PFKFB2: variants seen among roughly 807,000 people sequenced by gnomAD.
The protein encoded by PFKFB2 is 6-phosphofructo-2-kinase/fructose-2,6-bisphosphatase 2.
In PFKFB2, 53 loss-of-function variants were observed where a neutral mutation model predicts 68.0. That is an observed-to-expected ratio of 0.78 (90% CI 0.63 to 0.98). PFKFB2 has a LOEUF of 0.98. PFKFB2 is among the 50% of genes least tolerant of loss of function. PFKFB2 has a pLI of 0.00. For missense variants in PFKFB2, 451 were observed against 642.0 expected (o/e 0.70, Z 3.22); for synonymous variants, 222 against 227.6 (o/e 0.98, Z 0.22).
chr1:207,063,290 C>T lies in PFKFB2; in HGVS notation c.376-57C>T. On this transcript the variant is annotated intron_variant, in intron 5 of 14. Coordinates refer to ENST00000367080, the MANE Select transcript of PFKFB2 (RefSeq NM_006212.2). The surrounding 1 kb of genome is among the most constrained non-coding windows in gnomAD (Gnocchi z 4.1). Reference sequence around the variant, plus strand: ...TACCCAGCCCCACCTTGAGTCTGCCCTGGTGGGGTTCTGTTTCTCTGTTCC... The same window carrying T: ...TACCCAGCCCCACCTTGAGTCTGCCTTGGTGGGGTTCTGTTTCTCTGTTCC... 1.9e-6 allele frequency: 3 copies of T among 1,569,164 alleles called. No homozygotes were observed. The highest frequency in any genetic ancestry group is 1.3e-5 in the African/African-American group (1 of 74,128).
chr1:207,066,037 A>G (rs1370459136), intron 8 of PFKFB2, among the ~76,000 whole-genome samples: 1 of 152,246 alleles, frequency 6.6e-6, no homozygotes, highest in Non-Finnish European at 1.5e-5. Context: ...TTATAGCATA[A>G]CATATATATT....
upstream of PFKFB2, chr1:207,049,545 C>G: frequency 6.2e-7 from 1 of 1,614,126 alleles, no homozygotes; most frequent in Non-Finnish European, 8.5e-7. Flanking sequence ...AAGCTGGATT[C>G]AAGACTCCTC....
chr1:207,049,135 G>A, upstream of PFKFB2: 1 of 1,613,996 alleles, frequency 6.2e-7, no homozygotes, highest in South Asian at 1.1e-5. Flanking sequence ...GTTGACATCA[G>A]TAAACTGTCT....
rs552436193 is a variant in PFKFB2 at position 207,066,430 on chromosome 1, A to G, written c.633-1069A>G. ...TGTTTTGAGCCTTTCAGTTCCTTCA[A>G]GTGGGTTTCCCAGAATCCCCTTAAT... is the stretch of plus-strand genomic sequence containing the variant. On this transcript the variant is annotated intron_variant, in intron 8 of 14. Coordinates refer to ENST00000367080, the MANE Select transcript of PFKFB2 (RefSeq NM_006212.2). Among the ~76,000 whole-genome samples, 8 of 152,354 alleles carry G rather than the reference A, an allele frequency of 5.3e-5. No individual in the cohort carries two copies. In the East Asian group the frequency reaches 7.7e-4, roughly 15 times the overall value.
chr1:207,061,165 T>TTATATATA (rs201702529), intron 2 of PFKFB2, among the ~76,000 whole-genome samples: 748 of 44,772 alleles, frequency 0.017, 12 homozygotes, highest in East Asian at 0.027. Context: ...ATATATATCT[T>TTATATATA]TATATATATA....
chr1:207,048,774 T>TC (rs1682660520), upstream of PFKFB2: 6 of 461,370 alleles, frequency 1.3e-5, no homozygotes, highest in Non-Finnish European at 2.3e-5. Flanking sequence ...GTGGCAAGGA[T>TC]CACCTATTCT....
At position 207,077,654 on chromosome 1, in the gene PFKFB2, A is replaced by G; in HGVS notation, c.*5283A>G. 1.5e-5 allele frequency: 15 copies of G among 985,852 alleles called. No homozygotes were observed. Among genetic ancestry groups the G allele is most frequent in the Non-Finnish European group, 1.8e-5 (15 of 829,904 alleles). The allele number at this position is 985,852 out of a possible 1,614,324, so 61.1% of individuals were successfully genotyped here. A position where few individuals can be genotyped will look rare whatever the true frequency, so the allele number is the denominator to read the frequency against. ...ATTTCCTAGGCACTGCTCTGTTGAA[A>G]TAGGAACATAAGTCTTTAGCAACAT... is the stretch of plus-strand genomic sequence containing the variant. On this transcript the variant is annotated 3_prime_UTR_variant, in exon 15 of 15. Coordinates refer to ENST00000367080, the MANE Select transcript of PFKFB2 (RefSeq NM_006212.2).
Position 207,063,136 on chromosome 1 carries a change from A to G in PFKFB2, c.309-7A>G. 1 of 1,613,118 alleles carries G rather than the reference A, an allele frequency of 6.2e-7. No homozygotes were observed. The highest frequency in any genetic ancestry group is 1.1e-5 in the South Asian group (1 of 91,056). ...CTCCTTGCTGGTTTCATTTGCTCTT[A>G]TGGCAGACAGTGTGCTCTGGTGGCG... On this transcript the variant is annotated splice_polypyrimidine_tract_variant and splice_region_variant and intron_variant, in intron 4 of 14. Coordinates refer to ENST00000367080, the MANE Select transcript of PFKFB2 (RefSeq NM_006212.2). This position sits in a 1 kb window ranked among gnomAD's most constrained non-coding sequence, Gnocchi z 4.1.
At position 207,034,460 on chromosome 1, in the gene PFKFB2, T is replaced by A. The variant is rs903547978; in HGVS notation, c.-74T>A. ...CCATGGATGAAGTCAATGAAGTTGA[T>A]CCAGCTCCATAGGTGTGTGATTTGA... On this transcript the variant is annotated 5_prime_UTR_variant, in exon 1 of 6. Transcript: ENST00000545806. The A allele has an allele frequency of 1.1e-4, 16 of 152,248 alleles. No homozygotes were observed. In the East Asian group the frequency reaches 2.9e-3, roughly 27 times the overall value. 9.4% of individuals were successfully genotyped at this position (152,248 alleles called of 1,614,324 possible). A position where few individuals can be genotyped will look rare whatever the true frequency, so the allele number is the denominator to read the frequency against.
chr1:207,080,204 G>A (rs1368432324), downstream of PFKFB2: 3 of 149,036 alleles, frequency 2.0e-5, no homozygotes, highest in Non-Finnish European at 4.4e-5. Context: ...ATCCCCACAG[G>A]ATATTATATC....
Position 207,065,074 on chromosome 1 carries a change from CAG to C in PFKFB2, c.552_553del (p.Asn185ArgfsTer10). On this transcript the variant is annotated frameshift_variant, in exon 8 of 15. Transcript: ENST00000367080. LOFTEE classifies it high-confidence loss of function. ...CAAGCCCTGACTATCCTGAAAGGAA[CAG>C]AGAGAACGTGATGGAGGACTTCCTG... ...VSSPDYPERNRENVMEDFLKR... is the reference protein window; with the variant it reads ...VSSPDYPERNXENVMEDFLKR... 1 of 1,613,762 alleles carries C rather than the reference CAG, an allele frequency of 6.2e-7. No individual in the cohort carries two copies. The highest frequency in any genetic ancestry group is 8.5e-7 in the Non-Finnish European group (1 of 1,179,860).
At chr1:207,051,331 T>C (rs538924550), upstream of PFKFB2, among the ~76,000 whole-genome samples, 1 of 152,184 alleles carries the variant, frequency 6.6e-6, no homozygotes, top group East Asian at 1.9e-4. Flanking sequence ...AATTATTAAA[T>C]TGGGGCTTCC....
chr1:207,045,107 A>G (rs945699115), intron 2 of PFKFB2: 11 of 152,582 alleles, frequency 7.2e-5, no homozygotes, highest in African/African-American at 2.4e-4. Flanking sequence ...CTTTGGACTT[A>G]AAATGATGCC....
In PFKFB2 at chr1:207,077,578, T is replaced by C; in HGVS notation, c.*5207T>C. 3.0e-6 allele frequency: 3 copies of C among 985,760 alleles called. No homozygotes were observed. The highest frequency in any genetic ancestry group is 3.6e-6 in the Non-Finnish European group (3 of 829,906). 61.1% of individuals were successfully genotyped at this position (985,760 alleles called of 1,614,324 possible). A position where few individuals can be genotyped will look rare whatever the true frequency, so the allele number is the denominator to read the frequency against. On this transcript the variant is annotated 3_prime_UTR_variant, in exon 15 of 15. Transcript: ENST00000367080. Reference sequence around the variant, plus strand: ...GGTGTGGGGCTGAGCACCTCTGGGTTGAATGGGAATGGGTCAGATTGGGAA... The same window carrying C: ...GGTGTGGGGCTGAGCACCTCTGGGTCGAATGGGAATGGGTCAGATTGGGAA...
chr1:207,039,552 A>AT (rs1682440125), intron 1 of PFKFB2, among the ~76,000 whole-genome samples: 1 of 152,210 alleles, frequency 6.6e-6, no homozygotes, highest in Non-Finnish European at 1.5e-5. Context: ...ACCCTGACAA[A>AT]TTCTTACGAA....
At chr1:207,078,842 G>A (rs1454440301), downstream of PFKFB2, 15 of 820,908 alleles carry the variant, frequency 1.8e-5, no homozygotes, top group Non-Finnish European at 3.1e-5. Flanking sequence ...TGGATGTGGG[G>A]ATGGGGAGGT....
chr1:207,079,198 C>A, downstream of PFKFB2: 1 of 618,462 alleles, frequency 1.6e-6, no homozygotes, highest in Non-Finnish European at 2.9e-6. Flanking sequence ...ATGGGAATAT[C>A]AGTTACACTG....
chr1:207,055,896 A>G (rs544667984), intron 2 of PFKFB2, among the ~76,000 whole-genome samples: 1 of 152,340 alleles, frequency 6.6e-6, no homozygotes, highest in Non-Finnish European at 1.5e-5. Flanking sequence ...AGGGTCTACA[A>G]TTAGGGTCTC....
chr1:207,043,232 G>A (rs1391946512), intron 2 of PFKFB2, among the ~76,000 whole-genome samples: 1 of 152,144 alleles, frequency 6.6e-6, no homozygotes, highest in Non-Finnish European at 1.5e-5. Flanking sequence ...GATTCTTTAT[G>A]AACCTTGTAA....
Sources: gnomAD v4.1 joint callset for allele counts (sites outside exome capture counted in the v4.1 genomes callset) on GRCh38, gnomAD v4.1.1 for gene constraint, Gnocchi (gnomAD v3.1) non-coding constraint, MANE v1.5 for transcripts, NCBI Gene and HGNC (gene_info 2026-07-23, HGNC 2026-07-21) for gene names.